The following SEC61G variants were observed in gnomAD, a reference collection of about 807,000 sequenced individuals.
SEC61G encodes protein transport protein Sec61 subunit gamma.
In SEC61G, 4 loss-of-function variants were observed where a neutral mutation model predicts 7.5. That is an observed-to-expected ratio of 0.54 (90% CI 0.26 to 1.22). SEC61G has a LOEUF of 1.22. Among genes scored for constraint, SEC61G ranks in the 50% most tolerant of loss-of-function variants. SEC61G has a pLI of 0.12. For synonymous variants in SEC61G, 24 were observed against 24.4 expected, an observed-to-expected ratio of 0.98 and a Z score of 0.05; for missense variants, 53 against 84.6, an observed-to-expected ratio of 0.63 and a Z score of 1.46.
At chr7:54,758,975 C>T (rs1791579336) in intron 1 of SEC61G, 183 bp downstream of exon 1, 1 of 316,064 alleles carries the variant, frequency 3.2e-6, no homozygotes, top group Non-Finnish European at 6.2e-6. Context: ...TGCCTTCCGC[C>T]AGAGGCCGAG....
At chr7:54,757,398 T>C (rs754543335) in intron 2 of SEC61G, 97 bp downstream of exon 2, 1 of 950,854 alleles carries the variant, frequency 1.1e-6, no homozygotes, top group Non-Finnish European at 1.6e-6. Context: ...AAAATGTTGA[T>C]CAAAGTAATG....
Position 54,757,563 on chromosome 7 carries a change from T to C in SEC61G, c.26A>G (p.Glu9Gly). The change falls in exon 2 of 4, where the codon GAG (glutamate) becomes GGG (glycine). Residue 9 changes from glutamate to glycine, a missense_variant. Physicochemically the swap from Glu to Gly is moderately conservative, Grantham distance 98. Coordinates refer to ENST00000352861, the MANE Select transcript of SEC61G (RefSeq NM_014302.4). Reference protein sequence around the residue: MDQVMQFVEPSRQFVKDSI... With the variant: MDQVMQFVGPSRQFVKDSI... ...GTCCTTTACAAACTGCCGACTTGGC[T>C]CAACAAACTGCATTACCTGATCCAT... The C allele has an allele frequency of 1.9e-6, 3 of 1,614,118 alleles. No individual in the cohort carries two copies. Among genetic ancestry groups the C allele is most frequent in the Non-Finnish European group, 2.5e-6 (3 of 1,180,008 alleles).
At chr7:54,753,784 G>C (rs551551166) in intron 3 of SEC61G, among the ~76,000 whole-genome samples, 1 of 152,172 alleles carries the variant, frequency 6.6e-6, no homozygotes, top group South Asian at 2.1e-4. Context: ...AAGATTTCCC[G>C]TGTTGCTCTA....
At chr7:54,756,524 C>T (rs1255274861) in intron 2 of SEC61G, among the ~76,000 whole-genome samples, 1 of 152,032 alleles carries the variant, frequency 6.6e-6, no homozygotes, top group Non-Finnish European at 1.5e-5. Flanking sequence ...GGCGTGGTGG[C>T]GCATGCCTGT....
chr7:54,755,631 C>T (rs1791497862), intron 3 of SEC61G, 148 bp downstream of exon 3: 3 of 435,096 alleles, frequency 6.9e-6, no homozygotes, highest in Non-Finnish European at 1.2e-5. Flanking sequence ...TAAAAGCCCT[C>T]AATTATCAGG....
At chr7:54,757,316 A>C (rs1791538806) in intron 2 of SEC61G, among the ~76,000 whole-genome samples, 179 bp downstream of exon 2, 1 of 152,196 alleles carries the variant, frequency 6.6e-6, no homozygotes, top group African/African-American at 2.4e-5. Context: ...AAAATACATA[A>C]AAATTTAGAC....
intron 1 of SEC61G, among the ~76,000 whole-genome samples, chr7:54,758,503 T>C (rs1356395509): frequency 1.3e-5 from 2 of 152,156 alleles, no homozygotes; most frequent in African/African-American, 4.8e-5. Flanking sequence ...ATAATGTCAA[T>C]GAAACACCAG....
chr7:54,752,813 A>C (rs1028388682), intron 3 of SEC61G, among the ~76,000 whole-genome samples: 4 of 152,214 alleles, frequency 2.6e-5, no homozygotes, highest in Non-Finnish European at 5.9e-5. Context: ...AGATGAGCAC[A>C]AGGTACTCAA....
intron 3 of SEC61G, chr7:54,754,751 C>T (rs538815746): frequency 6.6e-6 from 1 of 152,186 alleles, no homozygotes; most frequent in South Asian, 2.1e-4. Context: ...CCCATAAAAT[C>T]AATTGATATT....
In SEC61G at chr7:54,759,026, G is replaced by A. The variant is rs551740351; in HGVS notation, c.-7+132C>T. ...CGGCCAGACCCCGGCCCTGAGCCAG[G>A]GGACCACTTACCGCCCGCCCCGCGA... is the stretch of plus-strand genomic sequence containing the variant. On this transcript the variant is annotated intron_variant, in intron 1 of 3. Coordinates refer to ENST00000352861, the MANE Select transcript of SEC61G (RefSeq NM_014302.4). 2.0e-4 allele frequency: 77 copies of A among 377,848 alleles called. No individual in the cohort carries two copies. In the Admixed American group the frequency reaches 2.2e-3, roughly 11 times the overall value. The allele number at this position is 377,848 out of a possible 1,614,324, so 23.4% of individuals were successfully genotyped here.
rs368842759 is a variant in SEC61G, at chr7:54,759,211, T to C, written c.-60A>G. 7.7e-6 allele frequency: 4 copies of C among 518,946 alleles called. No individual in the cohort carries two copies. The highest frequency in any genetic ancestry group is 1.2e-5 in the Non-Finnish European group (3 of 259,882). 32.1% of individuals were successfully genotyped at this position (518,946 alleles called of 1,614,324 possible). A position where few individuals can be genotyped will look rare whatever the true frequency, so the allele number is the denominator to read the frequency against. On this transcript the variant is annotated 5_prime_UTR_variant, in exon 1 of 4. Coordinates refer to ENST00000352861, the MANE Select transcript of SEC61G (RefSeq NM_014302.4). ...GACACGTAGCACTGGAGCTTGCTGATGGAGGCCCACCGGAACCGGAATCCG... is the reference window on the plus strand; with the variant it reads ...GACACGTAGCACTGGAGCTTGCTGACGGAGGCCCACCGGAACCGGAATCCG...
intron 1 of SEC61G, among the ~76,000 whole-genome samples, chr7:54,758,186 T>C (rs1482565051): frequency 6.6e-6 from 1 of 152,174 alleles, no homozygotes; most frequent in Non-Finnish European, 1.5e-5. Flanking sequence ...AAGACGCAAA[T>C]TCTGAGAAGC....
chr7:54,754,042 A>G (rs571712888), intron 3 of SEC61G, among the ~76,000 whole-genome samples: 2 of 152,354 alleles, frequency 1.3e-5, no homozygotes, highest in East Asian at 3.9e-4. Context: ...TACAATATAA[A>G]TAACAAGGCA....
At chr7:54,753,690 CTAAAGA>C (rs1453507821) in intron 3 of SEC61G, among the ~76,000 whole-genome samples, 2 of 152,090 alleles carry the variant, frequency 1.3e-5, no homozygotes, top group Non-Finnish European at 2.9e-5. Context: ...TAAAAAATAT[CTAAAGA>C]TAGATTTTTT....
chr7:54,754,177 A>C (rs987975554), intron 3 of SEC61G, among the ~76,000 whole-genome samples: 3 of 152,194 alleles, frequency 2.0e-5, no homozygotes, highest in African/African-American at 7.2e-5. Context: ...AAAAATTTGA[A>C]AGGTGCTTGT....
chr7:54,757,435 C>A, intron 2 of SEC61G, 60 bp downstream of exon 2: 1 of 1,369,390 alleles, frequency 7.3e-7, no homozygotes, highest in South Asian at 1.2e-5. Flanking sequence ...AGATGTTAAT[C>A]AAACAAAAGG....
Position 54,752,402 on chromosome 7 carries a change from A to C in SEC61G, c.*9T>G. The C allele has an allele frequency of 6.5e-7, 1 of 1,538,100 alleles. No individual in the cohort carries two copies. Among genetic ancestry groups the C allele is most frequent in the Non-Finnish European group, 8.9e-7 (1 of 1,129,766 alleles). ...TCTCTAAGATGAAAAACTCTCTTCC[A>C]AAATGTATTCAGCCACCACTGTAAA... On this transcript the variant is annotated 3_prime_UTR_variant, in exon 4 of 4. Transcript: ENST00000352861.
chr7:54,758,944 G>C (rs1791578538), intron 1 of SEC61G: 1 of 284,504 alleles, frequency 3.5e-6, no homozygotes, highest in Admixed American at 5.2e-5. Context: ...CCAGCTCGCC[G>C]GGAGTCCGCG....
At chr7:54,754,937 T>C (rs958786053) in intron 3 of SEC61G, 4 of 152,094 alleles carry the variant, frequency 2.6e-5, no homozygotes, top group Non-Finnish European at 5.9e-5. Context: ...CAGGTAATAA[T>C]AGATTTTATT....
Sources: gnomAD v4.1 joint callset for allele counts (sites outside exome capture counted in the v4.1 genomes callset) on GRCh38, gnomAD v4.1.1 for gene constraint, MANE v1.5 for transcripts, NCBI Gene and HGNC (gene_info 2026-07-23, HGNC 2026-07-21) for gene names.